The following TRAPPC9 variants were observed in gnomAD, a reference collection of about 807,000 sequenced individuals.
TRAPPC9 encodes the protein IKK2 binding protein.
TRAPPC9 carries 83 observed loss-of-function variants against 124.0 expected under a neutral mutation model. That is an observed-to-expected ratio of 0.67 (90% CI 0.56 to 0.80). The LOEUF (loss-of-function observed/expected upper bound fraction) is 0.80, where lower values mean the gene tolerates loss of function less well. Ranked by LOEUF, TRAPPC9 falls within the 30% of genes least tolerant of loss-of-function variation. The pLI is 0.00. For missense variants in TRAPPC9, 1,302 were observed against 1,508.3 expected (o/e 0.86, Z 2.27); for synonymous variants, 638 against 617.5 (o/e 1.03, Z -0.49).
At chr8:139,916,511 C>T (rs1832142401) in intron 19 of TRAPPC9, 1 of 152,262 alleles carries the variant, frequency 6.6e-6, no homozygotes, top group African/African-American at 2.4e-5. Context: ...GGCCCTCCAT[C>T]CACTCCTCGG....
At chr8:140,278,980 G>A (rs2065219341) in intron 14 of TRAPPC9, among the ~76,000 whole-genome samples, 1 of 152,242 alleles carries the variant, frequency 6.6e-6, no homozygotes, top group Non-Finnish European at 1.5e-5. Context: ...GACCCACTGT[G>A]TTTTCATCAC....
At chr8:139,989,419 T>C (rs1435239817) in intron 18 of TRAPPC9, among the ~76,000 whole-genome samples, 3 of 152,206 alleles carry the variant, frequency 2.0e-5, no homozygotes. Flanking sequence ...ACTCTTTTGT[T>C]TCCTCTCCTC....
chr8:140,223,844 AAAG>A (rs2063390863), intron 16 of TRAPPC9, among the ~76,000 whole-genome samples: 1 of 152,240 alleles, frequency 6.6e-6, no homozygotes, highest in Non-Finnish European at 1.5e-5. Flanking sequence ...TCAACTGGGT[AAAG>A]AAGAATTAAG....
intron 17 of TRAPPC9, among the ~76,000 whole-genome samples, chr8:140,106,238 G>A (rs777867223): frequency 3.9e-5 from 6 of 152,094 alleles, no homozygotes; most frequent in Non-Finnish European, 4.4e-5. Context: ...CAGAGGCCCC[G>A]GGTCCCAAAG....
At chr8:140,093,046 T>G (rs1844678025) in intron 17 of TRAPPC9, among the ~76,000 whole-genome samples, 3 of 151,334 alleles carry the variant, frequency 2.0e-5, no homozygotes, top group South Asian at 4.2e-4. Context: ...AAAAAAGCTT[T>G]CCAGAATGTC....
chr8:140,276,287 C>T (rs1281511254), intron 14 of TRAPPC9, among the ~76,000 whole-genome samples: 1 of 152,140 alleles, frequency 6.6e-6, no homozygotes, highest in Non-Finnish European at 1.5e-5. Context: ...AGAGCTGAGG[C>T]CAAAGAGGAA....
intron 18 of TRAPPC9, among the ~76,000 whole-genome samples, chr8:140,019,414 G>A (rs1462257817): frequency 6.6e-6 from 1 of 152,182 alleles, no homozygotes; most frequent in Admixed American, 6.5e-5. Context: ...ATATTTCAGA[G>A]TAGAGCCATC....
chr8:140,264,929 C>T (rs1233533110), intron 15 of TRAPPC9, among the ~76,000 whole-genome samples: 1 of 152,124 alleles, frequency 6.6e-6, no homozygotes, highest in Non-Finnish European at 1.5e-5. Flanking sequence ...AGTATCCAGA[C>T]GAGAACACCA....
intron 17 of TRAPPC9, among the ~76,000 whole-genome samples, chr8:140,091,541 T>C (rs1844566691): frequency 6.6e-6 from 1 of 152,198 alleles, no homozygotes; most frequent in Non-Finnish European, 1.5e-5. Flanking sequence ...GCAATGTTAC[T>C]ACCAAGGGTA....
chr8:140,356,437 T>C (rs1180688721), intron 9 of TRAPPC9, among the ~76,000 whole-genome samples: 1 of 152,188 alleles, frequency 6.6e-6, no homozygotes, highest in African/African-American at 2.4e-5. Context: ...ACTCCAATTA[T>C]TGATCCTGCA....
intron 18 of TRAPPC9, among the ~76,000 whole-genome samples, chr8:140,015,769 C>T (rs545756727): frequency 6.6e-6 from 1 of 152,260 alleles, no homozygotes; most frequent in African/African-American, 2.4e-5. Flanking sequence ...GGTTGTGCCA[C>T]TGCACTCCAG....
At position 140,150,669 on chromosome 8, in the gene TRAPPC9, T is replaced by C. The variant is rs888060600; in HGVS notation, c.2556+70790A>G. 9.9e-5 allele frequency among the ~76,000 whole-genome samples: 15 copies of C among 152,094 alleles called. 1 individual carries two copies. Among genetic ancestry groups the C allele is most frequent in the African/African-American group, 3.6e-4 (15 of 41,412 alleles). ...GGGAAAGGAAGGTGTAAAGATCACA[T>C]GGGTGACAACCAGACCCTGGGCAGC... On this transcript the variant is annotated intron_variant, in intron 17 of 22. Coordinates refer to ENST00000438773, the MANE Select transcript of TRAPPC9 (RefSeq NM_001160372.4).
intron 21 of TRAPPC9, among the ~76,000 whole-genome samples, chr8:139,778,268 GT>G (rs893309650): frequency 6.6e-6 from 1 of 152,080 alleles, no homozygotes; most frequent in Non-Finnish European, 1.5e-5. Flanking sequence ...ACACTGCTCT[GT>G]TCCTGCCTAA....
chr8:140,054,071 A>G (rs1842159133), intron 17 of TRAPPC9, among the ~76,000 whole-genome samples: 1 of 152,230 alleles, frequency 6.6e-6, no homozygotes, highest in South Asian at 2.1e-4. Context: ...TAACACAGAA[A>G]CAGAAAATCA....
At chr8:139,783,422 A>T (rs1821971922) in intron 21 of TRAPPC9, among the ~76,000 whole-genome samples, 1 of 152,212 alleles carries the variant, frequency 6.6e-6, no homozygotes, top group Non-Finnish European at 1.5e-5. Flanking sequence ...ATTTGACAAC[A>T]TAGATAAAAT....
chr8:140,418,093 G>A (rs956861156), intron 5 of TRAPPC9, among the ~76,000 whole-genome samples: 2 of 152,182 alleles, frequency 1.3e-5, no homozygotes, highest in African/African-American at 4.8e-5. Context: ...GACAGCATTA[G>A]GAGAAATACT....
intron 1 of TRAPPC9, among the ~76,000 whole-genome samples, chr8:140,454,457 G>T (rs1375600950): frequency 1.3e-5 from 2 of 151,732 alleles, no homozygotes; most frequent in Non-Finnish European, 2.9e-5. Flanking sequence ...TGACCAACAT[G>T]GAGAAACCCG....
At position 139,880,251 on chromosome 8, in the gene TRAPPC9, T is replaced by C. The variant is rs114902770; in HGVS notation, c.3055+5628A>G. Among the ~76,000 whole-genome samples, 744 of 152,218 alleles carry C rather than the reference T, an allele frequency of 4.9e-3. 8 individuals carry two copies. The highest frequency in any genetic ancestry group is 0.017 in the African/African-American group (726 of 41,528). ...AACCCAGGTGTGCAGGCGGCCGGCA[T>C]AGCCATGGCTCCCAAGCAAAGCAAA... On this transcript the variant is annotated intron_variant, in intron 21 of 22. Coordinates refer to ENST00000438773, the MANE Select transcript of TRAPPC9 (RefSeq NM_001160372.4).
chr8:140,289,271 A>C (rs2065582810), intron 12 of TRAPPC9, among the ~76,000 whole-genome samples: 1 of 151,972 alleles, frequency 6.6e-6, no homozygotes, highest in Non-Finnish European at 1.5e-5. Context: ...TACAGGAAGC[A>C]CCCAGAAGCA....
Sources: allele counts gnomAD v4.1 joint callset (sites outside exome capture counted in the v4.1 genomes callset), GRCh38; gene constraint gnomAD v4.1.1; transcripts MANE v1.5; gene names NCBI Gene and HGNC (gene_info 2026-07-23, HGNC 2026-07-21).